Variants in FAM135B observed in about 807,000 individuals in gnomAD.
FAM135B encodes the protein protein FAM135B.
Under a neutral mutation model 127.7 loss-of-function variants are expected in FAM135B, and 43 were observed. The observed-to-expected ratio is 0.34, with a 90% CI of 0.26 to 0.43. The LOEUF (loss-of-function observed/expected upper bound fraction) is 0.43, where lower values mean the gene tolerates loss of function less well. Ranked by LOEUF, FAM135B falls within the 20% of genes least tolerant of loss-of-function variation. FAM135B has a pLI of 1.00. For synonymous variants in FAM135B, 670 were observed against 665.1 expected, an observed-to-expected ratio of 1.01 and a Z score of -0.11; for missense variants, 1,558 against 1,725.6, an observed-to-expected ratio of 0.90 and a Z score of 1.72.
intron 1 of FAM135B, among the ~76,000 whole-genome samples, chr8:138,403,511 T>A (rs1002443286): frequency 6.6e-6 from 1 of 152,210 alleles, no homozygotes; most frequent in Non-Finnish European, 1.5e-5. Context: ...TTTCCTCATA[T>A]TGTTACACAG....
At chr8:138,182,415 A>C (rs867273652) in intron 9 of FAM135B, among the ~76,000 whole-genome samples, 1 of 152,108 alleles carries the variant, frequency 6.6e-6, no homozygotes, top group Admixed American at 6.5e-5. Flanking sequence ...CCCTGAAAAA[A>C]GGCCCTGCCA....
At chr8:138,142,112 G>C (rs937324179) in intron 16 of FAM135B, among the ~76,000 whole-genome samples, 1 of 151,900 alleles carries the variant, frequency 6.6e-6, no homozygotes, top group African/African-American at 2.4e-5. Context: ...TGTATATGAA[G>C]ACTAAATGGG....
In FAM135B at chr8:138,473,371, T is replaced by A. The variant is rs907778640; in HGVS notation, c.-20+23300A>T. Among the ~76,000 whole-genome samples, 5 of 152,106 alleles carry A rather than the reference T, an allele frequency of 3.3e-5. No individual in the cohort carries two copies. In the South Asian group the frequency reaches 8.3e-4, roughly 25 times the overall value. ...GGTGCCTACAGAATCAAGCCCAGCA[T>A]CCTTAGAATGCTTTACACAACCCTC... On this transcript the variant is annotated intron_variant, in intron 1 of 19. Transcript: ENST00000395297.
At chr8:138,338,507 A>G (rs1156828648) in intron 2 of FAM135B, among the ~76,000 whole-genome samples, 1 of 151,988 alleles carries the variant, frequency 6.6e-6, no homozygotes, top group Non-Finnish European at 1.5e-5. Context: ...ACACATGAAA[A>G]AATGCTCATC....
At position 138,273,294 on chromosome 8, in the gene FAM135B, C is replaced by T. The variant is rs555743789; in HGVS notation, c.158-7452G>A. On this transcript the variant is annotated intron_variant, in intron 3 of 19. Coordinates refer to ENST00000395297, the MANE Select transcript of FAM135B (RefSeq NM_015912.4). ...GATCTTGGCTCACTGCAACCTCCACCTCCAGGGTTCAAGTGATTCTCCTGC... is the reference window on the plus strand; with the variant it reads ...GATCTTGGCTCACTGCAACCTCCACTTCCAGGGTTCAAGTGATTCTCCTGC... Among the ~76,000 whole-genome samples, 5 of 152,318 alleles carry T rather than the reference C, an allele frequency of 3.3e-5. No homozygotes were observed. The South Asian group carries it at 6.2e-4, about 19-fold the overall frequency.
intron 9 of FAM135B, among the ~76,000 whole-genome samples, chr8:138,179,389 G>A (rs965310810): frequency 2.6e-5 from 4 of 152,068 alleles, no homozygotes; most frequent in South Asian, 2.1e-4. Context: ...GGCATTTGAC[G>A]GTGCTCCCTA....
chr8:138,151,515 G>A lies in FAM135B; in HGVS notation c.2960C>T (p.Pro987Leu). Residue 987 changes from proline to leucine, a missense_variant, in exon 13 of 20, where the codon CCC becomes CTC. Transcript: ENST00000395297. Reference protein sequence around the residue: ...EAKHKAGTVCPTVTHSVHSQV... With the variant: ...EAKHKAGTVCLTVTHSVHSQV... ...GGAATGAACGGAATGGGTCACAGTG[G>A]GGCACACAGTGCCTGCTTTATGTTT... The A allele has an allele frequency of 6.2e-7, 1 of 1,614,162 alleles. No individual in the cohort carries two copies. Among genetic ancestry groups the A allele is most frequent in the South Asian group, 1.1e-5 (1 of 91,082 alleles).
intron 9 of FAM135B, among the ~76,000 whole-genome samples, chr8:138,185,012 G>A (rs1815419180): frequency 6.6e-6 from 1 of 152,178 alleles, no homozygotes. Context: ...GGTGTTCTGG[G>A]CTGCCCTGGG....
chr8:138,487,332 C>T (rs901331246), intron 1 of FAM135B, among the ~76,000 whole-genome samples: 3 of 151,980 alleles, frequency 2.0e-5, no homozygotes, highest in African/African-American at 4.8e-5. Context: ...CATACCTTCC[C>T]GCCAGCCCCC....
At chr8:138,400,756 C>G (rs1231170060) in intron 1 of FAM135B, among the ~76,000 whole-genome samples, 1 of 152,166 alleles carries the variant, frequency 6.6e-6, no homozygotes. Context: ...TCACTCTACA[C>G]GTAGGGAAGT....
intron 1 of FAM135B, among the ~76,000 whole-genome samples, chr8:138,418,736 C>G (rs759538595): frequency 9.9e-5 from 15 of 151,976 alleles, no homozygotes; most frequent in Non-Finnish European, 2.1e-4. Context: ...CCTTTTCAGA[C>G]CAGCAAACAC....
intron 9 of FAM135B, among the ~76,000 whole-genome samples, chr8:138,183,107 A>G (rs1340560312): frequency 1.4e-5 from 2 of 139,508 alleles, no homozygotes; most frequent in African/African-American, 2.6e-5. Context: ...CCTCTCCTAC[A>G]TATACAAGGG....
In FAM135B at chr8:138,265,808, G is replaced by A. The variant is rs199945385; in HGVS notation, c.192C>T (p.Asp64=). 1.4e-5 allele frequency: 22 copies of A among 1,613,980 alleles called. No homozygotes were observed. The African/African-American group carries it at 2.7e-4, about 20-fold the overall frequency. The change falls in exon 4 of 20, where the codon GAC becomes GAT. Residue 64 remains aspartate (D), a synonymous_variant. Transcript: ENST00000395297. ...SSSLHSACVH[D]STVHSRVFQI... ...GAAAGACCCGGCTGTGCACGGTGCT[G>A]TCATGGACACAGGCTGAATGCAGGC...
At chr8:138,186,176 C>T (rs564982200) in intron 9 of FAM135B, among the ~76,000 whole-genome samples, 1 of 152,292 alleles carries the variant, frequency 6.6e-6, no homozygotes, top group Non-Finnish European at 1.5e-5. Context: ...CCTCACCTCT[C>T]GCTCCCTGGT....
At chr8:138,407,533 C>T (rs1286151315) in intron 1 of FAM135B, among the ~76,000 whole-genome samples, 1 of 152,168 alleles carries the variant, frequency 6.6e-6, no homozygotes, top group East Asian at 1.9e-4. Flanking sequence ...GTAACCAAAA[C>T]AGCATGGTAC....
chr8:138,336,667 C>A (rs1177526998), intron 2 of FAM135B, among the ~76,000 whole-genome samples: 1 of 152,126 alleles, frequency 6.6e-6, no homozygotes, highest in Non-Finnish European at 1.5e-5. Context: ...CAGCCAAATT[C>A]CACCAGAGGT....
At chr8:138,305,054 A>G (rs978888705) in intron 3 of FAM135B, among the ~76,000 whole-genome samples, 1 of 152,182 alleles carries the variant, frequency 6.6e-6, no homozygotes, top group East Asian at 1.9e-4. Context: ...CTCCATGAAA[A>G]CAGACATATT....
chr8:138,253,262 C>A (rs1821839020), intron 5 of FAM135B, among the ~76,000 whole-genome samples: 1 of 152,136 alleles, frequency 6.6e-6, no homozygotes, highest in African/African-American at 2.4e-5. Flanking sequence ...GCAGAATGGG[C>A]CATGACGTGA....
At chr8:138,392,705 CTT>C (rs1443600680) in intron 1 of FAM135B, among the ~76,000 whole-genome samples, 4 of 152,152 alleles carry the variant, frequency 2.6e-5, no homozygotes, top group Non-Finnish European at 4.4e-5. Context: ...TCTAGGTACT[CTT>C]TTACTCTTTT....
Sources: allele counts gnomAD v4.1 joint callset (sites outside exome capture counted in the v4.1 genomes callset), GRCh38; gene constraint gnomAD v4.1.1; transcripts MANE v1.5; gene names NCBI Gene and HGNC (gene_info 2026-07-23, HGNC 2026-07-21).